Variants in ZFYVE16 observed in about 807,000 individuals in gnomAD.
ZFYVE16 encodes the protein zinc finger FYVE-type containing 16, also known as zinc finger FYVE domain-containing protein 16.
In ZFYVE16, 89 loss-of-function variants were observed where a neutral mutation model predicts 138.1. The observed-to-expected ratio is 0.64, with a 90% CI of 0.54 to 0.77. The LOEUF is 0.77. ZFYVE16 is among the 30% of genes least tolerant of loss of function. The probability of loss-of-function intolerance (pLI) is 0.00; values close to 1 mark genes in which losing one functional copy is unlikely to be tolerated. For synonymous variants in ZFYVE16, 596 were observed against 618.3 expected (o/e 0.96, Z 0.53); for missense variants, 1,793 against 1,786.7 (o/e 1.00, Z -0.06).
chr5:80,459,512 A>G lies in ZFYVE16; in HGVS notation c.4024+18A>G, dbSNP rs764300609. The G allele has an allele frequency of 3.1e-6, 5 of 1,597,668 alleles. No homozygotes were observed. Among genetic ancestry groups the G allele is most frequent in the Non-Finnish European group, 4.3e-6 (5 of 1,170,136 alleles). ...AGTTGAAGGTATGAATTTCATTTTT[A>G]ATGGTGTTTTAATGTAGAGTTATTT... On this transcript the variant is annotated intron_variant, in intron 15 of 18. Transcript: ENST00000505560.
intron 11 of ZFYVE16, among the ~76,000 whole-genome samples, chr5:80,452,633 A>G (rs949859725): frequency 3.3e-5 from 5 of 152,160 alleles, no homozygotes; most frequent in African/African-American, 1.2e-4. Flanking sequence ...TATATCATAA[A>G]GCCAGACATA....
Position 80,445,304 on chromosome 5 carries a change from G to A in ZFYVE16, c.2623G>A (p.Gly875Ser), listed in dbSNP as rs542507388. 3.7e-6 allele frequency: 6 copies of A among 1,613,696 alleles called. No homozygotes were observed. Among genetic ancestry groups the A allele is most frequent in the Admixed American group, 1.7e-5 (1 of 59,984 alleles). ...KEQKRVWFADGILPNGEVADT... is the reference protein window; with the variant it reads ...KEQKRVWFADSILPNGEVADT... ...ACAGAAGAGAGTATGGTTTGCAGAT[G>A]GTATATTGCCCAATGGTGAAGTTGC... Residue 875 changes from glycine to serine, a missense_variant, in exon 7 of 19, where the codon GGT (glycine) becomes AGT (serine). Physicochemically the swap from Gly to Ser is moderately conservative, Grantham distance 56 (BLOSUM62 0). Coordinates refer to ENST00000505560, the MANE Select transcript of ZFYVE16 (RefSeq NM_001284236.3).
intron 1 of ZFYVE16, among the ~76,000 whole-genome samples, chr5:80,412,131 C>T (rs903452964): frequency 6.6e-5 from 10 of 151,948 alleles, no homozygotes; most frequent in African/African-American, 2.4e-4. Context: ...CTTTTTTTCT[C>T]CACTGCATTA....
intron 4 of ZFYVE16, among the ~76,000 whole-genome samples, chr5:80,439,546 T>C (rs1215857060): frequency 6.6e-6 from 1 of 151,402 alleles, no homozygotes; most frequent in Non-Finnish European, 1.5e-5. Context: ...TTATTCAGAT[T>C]TTTCAGTAAT....
In ZFYVE16 at chr5:80,481,833, T is replaced by A. The variant is rs116724842; in HGVS notation, c.*4456T>A. On this transcript the variant is annotated 3_prime_UTR_variant, in exon 19 of 19. Transcript: ENST00000505560. ...TTAAAACTAGTTATTTTATTTTTTT[T>A]ATTTATTTTTGAGACAGTCTCTATC... 2.4e-3 allele frequency among the ~76,000 whole-genome samples: 366 copies of A among 152,302 alleles called. 2 individuals carry two copies. Among genetic ancestry groups the A allele is most frequent in the African/African-American group, 8.5e-3 (352 of 41,566 alleles).
Position 80,438,601 on chromosome 5 carries a change from T to C in ZFYVE16, c.1916T>C (p.Ile639Thr), listed in dbSNP as rs1231423495. Residue 639 changes from isoleucine (I) to threonine (T), a missense_variant, in exon 4 of 19, where the codon ATT becomes ACT. Transcript: ENST00000505560. ...EITNQLSVSDINSQSVGGARP... is the reference protein window; with the variant it reads ...EITNQLSVSDTNSQSVGGARP... ...ACAAATCAATTATCGGTCTCTGATA[T>C]TAACAGTCAATCTGTTGGAGGGGCC... is the stretch of plus-strand genomic sequence containing the variant. 1.9e-6 allele frequency: 3 copies of C among 1,614,150 alleles called. No homozygotes were observed. The highest frequency in any genetic ancestry group is 2.2e-5 in the East Asian group (1 of 44,880).
chr5:80,430,081 A>C (rs1748762425), intron 2 of ZFYVE16, among the ~76,000 whole-genome samples: 1 of 152,228 alleles, frequency 6.6e-6, no homozygotes, highest in Non-Finnish European at 1.5e-5. Context: ...GCTCTGCACC[A>C]AGCGGACGTA....
At chr5:80,408,269 C>G (rs951904016) in intron 1 of ZFYVE16, 116 bp downstream of exon 1, 1 of 152,400 alleles carries the variant, frequency 6.6e-6, no homozygotes, top group African/African-American at 2.4e-5. Context: ...CCCTCTTCCT[C>G]TGGGGACAGA....
intron 1 of ZFYVE16, among the ~76,000 whole-genome samples, chr5:80,419,057 C>G (rs564503876): frequency 2.8e-4 from 42 of 147,750 alleles, no homozygotes; most frequent in Non-Finnish European, 6.1e-4. Context: ...TGTCAAAGAT[C>G]GGTGTGGGTT....
At position 80,438,605 on chromosome 5, in the gene ZFYVE16, C is replaced by G. The variant is rs754665484; in HGVS notation, c.1920C>G (p.Asn640Lys). 6.2e-7 allele frequency: 1 copy of G among 1,614,122 alleles called. No individual in the cohort carries two copies. The highest frequency in any genetic ancestry group is 1.7e-5 in the Admixed American group (1 of 60,012). Residue 640 changes from asparagine (N) to lysine (K), a missense_variant, in exon 4 of 19, where the codon AAC (asparagine) becomes AAG (lysine). This residue lies in a region of ZFYVE16 where 1,295 missense variants were observed against 1,204.3 expected (regional missense o/e 1.08). Coordinates refer to ENST00000505560, the MANE Select transcript of ZFYVE16 (RefSeq NM_001284236.3). ...ATCAATTATCGGTCTCTGATATTAA[C>G]AGTCAATCTGTTGGAGGGGCCAGAC... is the stretch of plus-strand genomic sequence containing the variant. ...ITNQLSVSDI[N>K]SQSVGGARPK...
rs372308821 is a variant in ZFYVE16 at position 80,439,026 on chromosome 5, T to C, written c.2322+19T>C. The C allele has an allele frequency of 3.5e-5, 55 of 1,585,718 alleles. No homozygotes were observed. The highest frequency in any genetic ancestry group is 4.5e-5 in the Non-Finnish European group (53 of 1,167,436). ...TGGGAAAGTAAGTTATAAAAATCTT[T>C]TAAGTCTTTTGTTCTTTTGAGACAT... is the stretch of plus-strand genomic sequence containing the variant. On this transcript the variant is annotated intron_variant, in intron 4 of 18. Coordinates refer to ENST00000505560, the MANE Select transcript of ZFYVE16 (RefSeq NM_001284236.3).
intron 15 of ZFYVE16, among the ~76,000 whole-genome samples, chr5:80,471,674 A>G (rs1197225697): frequency 6.6e-6 from 1 of 152,234 alleles, no homozygotes; most frequent in Non-Finnish European, 1.5e-5. Context: ...GCCTAGGAAC[A>G]AAGAGAGCGC....
chr5:80,412,619 G>A (rs1417710352), intron 1 of ZFYVE16, among the ~76,000 whole-genome samples: 1 of 151,876 alleles, frequency 6.6e-6, no homozygotes, highest in Admixed American at 6.6e-5. Flanking sequence ...GCTTAGTAGA[G>A]CATTGCTATA....
At chr5:80,436,241 A>G (rs927026485) in intron 3 of ZFYVE16, among the ~76,000 whole-genome samples, 2 of 152,174 alleles carry the variant, frequency 1.3e-5, no homozygotes, top group Non-Finnish European at 2.9e-5. Flanking sequence ...TGATGCTACT[A>G]CAATTGGCAA....
chr5:80,457,234 A>G, intron 14 of ZFYVE16, 142 bp downstream of exon 14: 1 of 1,255,082 alleles, frequency 8.0e-7, no homozygotes, highest in Non-Finnish European at 1.1e-6. Flanking sequence ...CAGCTACACA[A>G]CAGATTTTAA....
Position 80,474,776 on chromosome 5 carries a change from A to C in ZFYVE16, c.4407A>C (p.Leu1469=). The C allele has an allele frequency of 1.2e-6, 2 of 1,613,604 alleles. No individual in the cohort carries two copies. Among genetic ancestry groups the C allele is most frequent in the Non-Finnish European group, 1.7e-6 (2 of 1,179,682 alleles). ...SAALCPHLKT[L]KSNGMNKIGL... ...CGCTGTGCCCTCACCTGAAAACTCT[A>C]AAAAGTAATGGGATGAATAAAATTG... Residue 1469 remains leucine (L), a synonymous_variant, in exon 18 of 19, where the codon CTA becomes CTC. Transcript: ENST00000505560.
At chr5:80,439,516 A>G (rs916778333) in intron 4 of ZFYVE16, among the ~76,000 whole-genome samples, 8 of 152,222 alleles carry the variant, frequency 5.3e-5, no homozygotes, top group South Asian at 2.1e-4. Flanking sequence ...AGGGTTGCCC[A>G]TAGAAATCCT....
intron 4 of ZFYVE16, 65 bp from the exon 5 acceptor site, chr5:80,439,871 C>T (rs1750463754): frequency 7.3e-7 from 1 of 1,378,646 alleles, no homozygotes; most frequent in Non-Finnish European, 9.9e-7. Context: ...GACCTCCCCA[C>T]ACTGCCTCTA....
At chr5:80,429,657 A>C (rs113318630) in intron 2 of ZFYVE16, among the ~76,000 whole-genome samples, 3,101 of 152,318 alleles carry the variant, frequency 0.02, 59 homozygotes, top group Non-Finnish European at 0.03. Flanking sequence ...ACAGACTGGC[A>C]AATTGGATAA....
Sources: gnomAD v4.1 joint callset for allele counts (sites outside exome capture counted in the v4.1 genomes callset) on GRCh38, gnomAD v4.1.1 for gene constraint, gnomAD v4.1.1 regional missense constraint, MANE v1.5 for transcripts, NCBI Gene and HGNC (gene_info 2026-07-23, HGNC 2026-07-21) for gene names.